Variants in PCDHGA5 observed in about 807,000 individuals in gnomAD.
PCDHGA5 encodes protocadherin gamma subfamily A, 5, also known as protocadherin gamma-A5.
A neutral mutation model predicts 56.7 loss-of-function variants in PCDHGA5; 36 were observed. The ratio of observed to expected loss-of-function variants is 0.64; its 90% CI spans 0.49 to 0.84. PCDHGA5 has a LOEUF of 0.84. Among genes scored for constraint, PCDHGA5 ranks in the 40% least tolerant of loss-of-function variants. The pLI, the probability that PCDHGA5 is intolerant of heterozygous loss-of-function variation, is 0.00. For missense variants in PCDHGA5, 1,305 were observed against 1,201.5 expected, an observed-to-expected ratio of 1.09 and a Z score of -1.27; for synonymous variants, 563 against 520.2, an observed-to-expected ratio of 1.08 and a Z score of -1.12.
At position 141,431,052 on chromosome 5, in the gene PCDHGA5, G is replaced by A. The variant is rs148326556; in HGVS notation, c.2422-63755G>A. On this transcript the variant is annotated intron_variant, in intron 1 of 3. Transcript: ENST00000518069. The surrounding 1 kb of genome is among the most constrained non-coding windows in gnomAD (Gnocchi z 4.8). Reference sequence around the variant, plus strand: ...ATAGACCGGGAGGAGCTCTGTATGGGGGCCATCAAGTGTCAATTAAATCTA... The same window carrying A: ...ATAGACCGGGAGGAGCTCTGTATGGAGGCCATCAAGTGTCAATTAAATCTA... 2 of 1,614,228 alleles carry A rather than the reference G, an allele frequency of 1.2e-6. No individual in the cohort carries two copies. The highest frequency in any genetic ancestry group is 1.7e-6 in the Non-Finnish European group (2 of 1,180,044).
intron 1 of PCDHGA5, chr5:141,415,483 A>G: frequency 6.2e-7 from 1 of 1,614,212 alleles, no homozygotes; most frequent in South Asian, 1.1e-5. Context: ...CTCGCGAAAG[A>G]GTCACCTGAT....
Position 141,486,552 on chromosome 5 carries a change from A to G in PCDHGA5, c.2422-8255A>G. On this transcript the variant is annotated intron_variant, in intron 1 of 3. Coordinates refer to ENST00000518069, the MANE Select transcript of PCDHGA5 (RefSeq NM_018918.3). This position sits in a 1 kb window ranked among gnomAD's most constrained non-coding sequence, Gnocchi z 5.0. ...CCACCCTCTTTCTTTCAGAGGTCAC[A>G]TGAGGTGTTTGTTCCTGAGAACAAT... is the stretch of plus-strand genomic sequence containing the variant. 1 of 1,614,136 alleles carries G rather than the reference A, an allele frequency of 6.2e-7. No homozygotes were observed. The highest frequency in any genetic ancestry group is 2.2e-5 in the East Asian group (1 of 44,882).
intron 1 of PCDHGA5, chr5:141,376,193 T>C: frequency 6.2e-7 from 1 of 1,614,164 alleles, no homozygotes; most frequent in East Asian, 2.2e-5. Flanking sequence ...CTCCTGCGTC[T>C]TCCTGGCCTT....
At chr5:141,392,799 T>A in intron 1 of PCDHGA5, 1 of 1,570,210 alleles carries the variant, frequency 6.4e-7, no homozygotes, top group Non-Finnish European at 8.6e-7. Flanking sequence ...GAGAGGATTC[T>A]GCAGCAAAAC....
At chr5:141,402,877 T>C in intron 1 of PCDHGA5, 3 of 1,469,748 alleles carry the variant, frequency 2.0e-6, no homozygotes, top group East Asian at 4.9e-5. Flanking sequence ...CACCATACTT[T>C]GCAGGGTGGA....
intron 1 of PCDHGA5, chr5:141,412,984 C>A: frequency 1.8e-6 from 1 of 558,874 alleles, no homozygotes; most frequent in Non-Finnish European, 3.0e-6. Context: ...GCAGCCAGAG[C>A]TCAATCCGGA....
chr5:141,495,721 G>A (rs2099763243), intron 2 of PCDHGA5, among the ~76,000 whole-genome samples: 1 of 152,100 alleles, frequency 6.6e-6, no homozygotes, highest in Non-Finnish European at 1.5e-5. Context: ...TAACTACACG[G>A]GACCCTTAGT....
At chr5:141,475,889 T>C in intron 1 of PCDHGA5, 1 of 562,248 alleles carries the variant, frequency 1.8e-6, no homozygotes, top group Non-Finnish European at 3.1e-6. Context: ...GCTGGGACTC[T>C]GTGTGCCGCT....
At chr5:141,483,917 T>A (rs565465724) in intron 1 of PCDHGA5, among the ~76,000 whole-genome samples, 2 of 151,262 alleles carry the variant, frequency 1.3e-5, no homozygotes, top group South Asian at 4.2e-4. Context: ...CCCACTCAGA[T>A]TGCAGGTCGT....
At position 141,485,049 on chromosome 5, in the gene PCDHGA5, G is replaced by A; in HGVS notation, c.2422-9758G>A. The A allele has an allele frequency of 1.3e-6, 1 of 780,438 alleles. No individual in the cohort carries two copies. 48.3% of individuals were successfully genotyped at this position (780,438 alleles called of 1,614,324 possible). ...AACGGCGCGTAACCCTTGCGGCGCC[G>A]GCCGAACCGCGCCAGAGCTGGCGCG... On this transcript the variant is annotated intron_variant, in intron 1 of 3. Coordinates refer to ENST00000518069, the MANE Select transcript of PCDHGA5 (RefSeq NM_018918.3). This position sits in a 1 kb window ranked among gnomAD's most constrained non-coding sequence, Gnocchi z 5.7.
At chr5:141,446,830 A>G (rs1289946397) in intron 1 of PCDHGA5, among the ~76,000 whole-genome samples, 1 of 152,176 alleles carries the variant, frequency 6.6e-6, no homozygotes, top group Non-Finnish European at 1.5e-5. Flanking sequence ...GTAGATCCTT[A>G]TAAGGCTGAG....
chr5:141,393,578 GC>G, intron 1 of PCDHGA5: 1 of 1,613,930 alleles, frequency 6.2e-7, no homozygotes. Context: ...TTGAGAACAT[GC>G]CCCCAGGCAC....
At chr5:141,374,942 A>C (rs758134474) in intron 1 of PCDHGA5, 3 of 1,614,044 alleles carry the variant, frequency 1.9e-6, no homozygotes, top group Non-Finnish European at 2.5e-6. Flanking sequence ...GATTACAGAA[A>C]AGATCTCACA....
chr5:141,421,863 C>T (rs767555107), intron 1 of PCDHGA5: 1 of 1,613,746 alleles, frequency 6.2e-7, no homozygotes, highest in Non-Finnish European at 8.5e-7. Flanking sequence ...ACCTGCTCCT[C>T]CTCACAGCTT....
chr5:141,463,904 T>C (rs1289422146), intron 1 of PCDHGA5, among the ~76,000 whole-genome samples: 3 of 152,214 alleles, frequency 2.0e-5, no homozygotes, highest in African/African-American at 4.8e-5. Context: ...TTTGTACTAA[T>C]AATATATCCT....
At chr5:141,472,855 A>C (rs1179268125) in intron 1 of PCDHGA5, among the ~76,000 whole-genome samples, 3 of 151,078 alleles carry the variant, frequency 2.0e-5, no homozygotes, top group African/African-American at 7.3e-5. Flanking sequence ...GCATGGTGGC[A>C]CATGCCTGTA....
chr5:141,373,895 T>TA, intron 1 of PCDHGA5: 1 of 534,638 alleles, frequency 1.9e-6, no homozygotes, highest in Non-Finnish European at 3.1e-6. Flanking sequence ...AAACTCAAGT[T>TA]ACATCCTCCA....
At position 141,486,415 on chromosome 5, in the gene PCDHGA5, T is replaced by C. The variant is rs745877804; in HGVS notation, c.2422-8392T>C. On this transcript the variant is annotated intron_variant, in intron 1 of 3. Transcript: ENST00000518069. The surrounding 1 kb of genome is among the most constrained non-coding windows in gnomAD (Gnocchi z 5.0). ...CCCTGGTGACTGCTGGACCCTTGGA[T>C]CGAGAGGCCAAATCTAGCTATGACA... 6.2e-7 allele frequency: 1 copy of C among 1,614,176 alleles called. No individual in the cohort carries two copies. The highest frequency in any genetic ancestry group is 8.5e-7 in the Non-Finnish European group (1 of 1,180,022).
At position 141,493,412 on chromosome 5, in the gene PCDHGA5, G is replaced by A. The variant is rs1288041038; in HGVS notation, c.2422-1395G>A. Among the ~76,000 whole-genome samples, 3 of 152,114 alleles carry A rather than the reference G, an allele frequency of 2.0e-5. No individual in the cohort carries two copies. The highest frequency in any genetic ancestry group is 4.4e-5 in the Non-Finnish European group (3 of 68,024). On this transcript the variant is annotated intron_variant, in intron 1 of 3. Coordinates refer to ENST00000518069, the MANE Select transcript of PCDHGA5 (RefSeq NM_018918.3). This position sits in a 1 kb window ranked among gnomAD's most constrained non-coding sequence, Gnocchi z 4.3. ...CAGGAGAGGGGAGTTGCCTCTGCTG[G>A]GATTTTGCTTCTGCTGGGATGGGGC...
Sources: allele counts gnomAD v4.1 joint callset (sites outside exome capture counted in the v4.1 genomes callset), GRCh38; gene constraint gnomAD v4.1.1; non-coding constraint Gnocchi (gnomAD v3.1); transcripts MANE v1.5; gene names NCBI Gene and HGNC (gene_info 2026-07-23, HGNC 2026-07-21).